The following WDR59 variants were observed in gnomAD, a reference collection of about 807,000 sequenced individuals.
WDR59 encodes WD repeat domain 59.
WDR59 carries 100 observed loss-of-function variants against 131.2 expected under a neutral mutation model. The ratio of observed to expected loss-of-function variants is 0.76; its 90% CI spans 0.65 to 0.90. WDR59 has a LOEUF of 0.90. WDR59 is among the 40% of genes least tolerant of loss of function. The pLI is 0.00. For missense variants in WDR59, 1,203 were observed against 1,262.2 expected (o/e 0.95, Z 0.71); for synonymous variants, 601 against 466.2 (o/e 1.29, Z -3.72).
At chr16:74,904,676 A>C (rs936240824) in intron 17 of WDR59, among the ~76,000 whole-genome samples, 7 of 152,264 alleles carry the variant, frequency 4.6e-5, no homozygotes, top group African/African-American at 1.7e-4. Flanking sequence ...AGTTGATTTT[A>C]TAATTTTATT....
intron 21 of WDR59, among the ~76,000 whole-genome samples, chr16:74,889,042 T>C (rs1245727761): frequency 2.0e-5 from 3 of 152,226 alleles, no homozygotes; most frequent in Non-Finnish European, 4.4e-5. Flanking sequence ...GAGTAAACCT[T>C]ATCATCCCTG....
chr16:74,881,108 C>A (rs5001473), intron 25 of WDR59, among the ~76,000 whole-genome samples: 2,293 of 152,230 alleles, frequency 0.015, 42 homozygotes, highest in African/African-American at 0.05. Flanking sequence ...ACAAAAACAA[C>A]AAAAAATCAT....
At chr16:74,888,117 C>CAAAAAAAAAAAAAAAAAAAAACAA in intron 22 of WDR59, 52 bp downstream of exon 22, 1 of 1,090,612 alleles carries the variant, frequency 9.2e-7, no homozygotes, top group Non-Finnish European at 1.2e-6. Flanking sequence ...AACTCCGTCT[C>CAAAAAAAAAAAAAAAAAAAAACAA]AAAAAAAAAA....
intron 8 of WDR59, among the ~76,000 whole-genome samples, chr16:74,925,244 T>TTA (rs1463145321): frequency 6.6e-6 from 1 of 151,996 alleles, no homozygotes. Context: ...CCTTAAAAGG[T>TTA]TATATACTAG....
rs1965941551 is a variant in WDR59 at position 74,908,827 on chromosome 16, C to A, written c.1712+81G>T. 7 of 1,200,238 alleles carry A rather than the reference C, an allele frequency of 5.8e-6. No individual in the cohort carries two copies. In the South Asian group the frequency reaches 8.8e-5, roughly 15 times the overall value. 74.3% of individuals were successfully genotyped at this position (1,200,238 alleles called of 1,614,324 possible). ...AGAACTGAAATGCACTGTCCAAAAG[C>A]AAACTCAGTGGTCCTTCCCAGGTCT... On this transcript the variant is annotated intron_variant, in intron 17 of 25. Coordinates refer to ENST00000262144, the MANE Select transcript of WDR59 (RefSeq NM_030581.4).
chr16:74,964,173 G>A (rs2033672241), intron 2 of WDR59, among the ~76,000 whole-genome samples: 1 of 152,156 alleles, frequency 6.6e-6, no homozygotes, highest in South Asian at 2.1e-4. Context: ...TAGGTCAGGA[G>A]TTCAAGATCA....
rs1017986708 is a variant in WDR59 at position 74,872,315 on chromosome 16, T to C, written c.*1894A>G. On this transcript the variant is annotated 3_prime_UTR_variant, in exon 26 of 26. Coordinates refer to ENST00000262144, the MANE Select transcript of WDR59 (RefSeq NM_030581.4). ...AGCTAATCTACTTGGAACTGTAAAA[T>C]TCTAAGAAACAGAAATAGATATTTC... 2 of 152,126 alleles carry C rather than the reference T, an allele frequency of 1.3e-5. No homozygotes were observed. The highest frequency in any genetic ancestry group is 4.8e-5 in the African/African-American group (2 of 41,426). 9.4% of individuals were successfully genotyped at this position (152,126 alleles called of 1,614,324 possible).
At chr16:74,967,589 C>T (rs543139801) in intron 1 of WDR59, among the ~76,000 whole-genome samples, 18 of 152,200 alleles carry the variant, frequency 1.2e-4, no homozygotes, top group Middle Eastern at 3.4e-3. Flanking sequence ...CTGGGCGCGG[C>T]GGCTCATGCC....
intron 2 of WDR59, chr16:74,959,365 G>T: frequency 6.8e-6 from 2 of 293,572 alleles, no homozygotes; most frequent in Non-Finnish European, 6.7e-6. Context: ...CTCCTCCACC[G>T]TCTACCCACT....
intron 2 of WDR59, among the ~76,000 whole-genome samples, chr16:74,958,592 CAAAAAAAAAAAAAAA>C (rs747175030): frequency 7.6e-5 from 1 of 13,234 alleles, no homozygotes; most frequent in Non-Finnish European, 1.5e-4. Context: ...GACTCCATCT[CAAAAAAAAAAAAAAA>C]AAAAAAAAAA....
intron 2 of WDR59, among the ~76,000 whole-genome samples, chr16:74,957,364 A>G (rs2033345706): frequency 6.6e-6 from 1 of 152,170 alleles, no homozygotes; most frequent in African/African-American, 2.4e-5. Context: ...TACAGGCACA[A>G]GGAACCATGC....
At chr16:74,936,433 A>G (rs2031807710) in intron 8 of WDR59, among the ~76,000 whole-genome samples, 1 of 152,152 alleles carries the variant, frequency 6.6e-6, no homozygotes. Flanking sequence ...GACACTGAGT[A>G]TCAACAAACT....
chr16:74,915,941 G>C lies in WDR59; in HGVS notation c.1153C>G (p.Leu385Val), dbSNP rs764426269. Residue 385 changes from leucine to valine, a missense_variant, in exon 13 of 26, where the codon CTG (leucine) becomes GTG (valine). Leu to Val is a conservative substitution (Grantham distance 32, BLOSUM62 1). Coordinates refer to ENST00000262144, the MANE Select transcript of WDR59 (RefSeq NM_030581.4). ...TGCTGCAAGGTCTGAGGCAGCCCCA[G>C]TTGATCTGATTTCCTCTCTTCCAGG... ...NLLEERKSDQ[L>V]GLPQTLQQEF... 1.9e-6 allele frequency: 3 copies of C among 1,614,224 alleles called. No individual in the cohort carries two copies. The highest frequency in any genetic ancestry group is 3.3e-5 in the Admixed American group (2 of 60,032).
chr16:74,887,783 G>T (rs1274960913), intron 22 of WDR59, 28 bp from the exon 23 acceptor site: 1 of 1,598,966 alleles, frequency 6.3e-7, no homozygotes, highest in African/African-American at 1.3e-5. Flanking sequence ...AGAACCAACA[G>T]GACTAGCATG....
chr16:74,919,333 T>A (rs78109634), intron 10 of WDR59, among the ~76,000 whole-genome samples: 1,741 of 151,548 alleles, frequency 0.011, 23 homozygotes, highest in African/African-American at 0.034. Context: ...TTTTTTTTTT[T>A]AATTTTTTGT....
intron 17 of WDR59, among the ~76,000 whole-genome samples, chr16:74,906,660 T>G (rs1056958014): frequency 6.6e-6 from 1 of 152,180 alleles, no homozygotes; most frequent in African/African-American, 2.4e-5. Context: ...CTGTGTTGCA[T>G]TCATACAATG....
intron 19 of WDR59, 147 bp from the exon 20 acceptor site, chr16:74,892,712 A>C: frequency 3.1e-6 from 2 of 642,456 alleles, no homozygotes; most frequent in Non-Finnish European, 5.2e-6. Context: ...CCCCCTTTCT[A>C]TCTGACTCAG....
At chr16:74,953,240 G>T (rs2033103471) in intron 3 of WDR59, among the ~76,000 whole-genome samples, 1 of 152,166 alleles carries the variant, frequency 6.6e-6, no homozygotes, top group Admixed American at 6.6e-5. Flanking sequence ...GGGAAGCTGA[G>T]GCAGGGGGAT....
Position 74,907,585 on chromosome 16 carries a change from G to T in WDR59, c.1712+1323C>A, listed in dbSNP as rs141016043. ...ACCTCTTTTCTTTATAAATTACCCA[G>T]TCTTGGGCAATTCTTGCAGTGTGAG... is the stretch of plus-strand genomic sequence containing the variant. On this transcript the variant is annotated intron_variant, in intron 17 of 25. Transcript: ENST00000262144. Among the ~76,000 whole-genome samples the T allele has an allele frequency of 1.1e-3, 175 of 152,262 alleles. 1 individual carries two copies. The highest frequency in any genetic ancestry group is 4.1e-3 in the African/African-American group (172 of 41,558).
Sources: gnomAD v4.1 joint callset for allele counts (sites outside exome capture counted in the v4.1 genomes callset) on GRCh38, gnomAD v4.1.1 for gene constraint, MANE v1.5 for transcripts, NCBI Gene and HGNC (gene_info 2026-07-23, HGNC 2026-07-21) for gene names.